The following NRXN1 variants were observed in gnomAD, a reference collection of about 807,000 sequenced individuals.
The protein encoded by NRXN1 is neurexin-1.
Under a neutral mutation model 150.9 loss-of-function variants are expected in NRXN1, and 39 were observed. The observed-to-expected ratio is 0.26, with a 90% confidence interval of 0.20 to 0.34. NRXN1 has a LOEUF of 0.34. NRXN1 is among the 10% of genes least tolerant of loss of function. The pLI is 1.00. For missense variants in NRXN1, 1,815 were observed against 1,949.9 expected, an observed-to-expected ratio of 0.93 and a Z score of 1.30; for synonymous variants, 924 against 757.0, an observed-to-expected ratio of 1.22 and a Z score of -3.62.
chr2:51,002,356 T>C (rs1215714831), intron 2 of NRXN1, among the ~76,000 whole-genome samples: 1 of 152,016 alleles, frequency 6.6e-6, no homozygotes, highest in East Asian at 1.9e-4. Context: ...GTTGTGTTTC[T>C]AGGAAAGTGC....
chr2:50,813,083 A>G (rs1342804356), intron 5 of NRXN1, among the ~76,000 whole-genome samples: 1 of 152,100 alleles, frequency 6.6e-6, no homozygotes, highest in East Asian at 1.9e-4. Context: ...AGTCCCAGCT[A>G]CATGGGAGGC....
At chr2:50,046,849 T>C (rs919814188) in intron 21 of NRXN1, among the ~76,000 whole-genome samples, 2 of 152,196 alleles carry the variant, frequency 1.3e-5, no homozygotes, top group Non-Finnish European at 2.9e-5. Context: ...CTGATCATGT[T>C]AGGTGTCCAG....
intron 18 of NRXN1, among the ~76,000 whole-genome samples, chr2:50,227,740 A>C (rs2064538158): frequency 6.6e-6 from 1 of 152,032 alleles, no homozygotes; most frequent in Non-Finnish European, 1.5e-5. Flanking sequence ...CAGTTCAAGA[A>C]GAGGTCATTA....
intron 2 of NRXN1, among the ~76,000 whole-genome samples, chr2:50,971,944 A>G (rs1015593991): frequency 8.5e-5 from 13 of 152,152 alleles, no homozygotes; most frequent in Non-Finnish European, 1.6e-4. Flanking sequence ...AACTACATGC[A>G]TTTTATTTTC....
At chr2:50,445,308 A>G (rs996801284) in intron 17 of NRXN1, among the ~76,000 whole-genome samples, 2 of 152,212 alleles carry the variant, frequency 1.3e-5, no homozygotes, top group African/African-American at 4.8e-5. Context: ...GCAAAGAAGT[A>G]AAGTTTTTCA....
At chr2:50,943,693 T>C (rs1362779491) in intron 2 of NRXN1, among the ~76,000 whole-genome samples, 2 of 152,206 alleles carry the variant, frequency 1.3e-5, no homozygotes, top group East Asian at 3.8e-4. Flanking sequence ...TGAGGACTTC[T>C]GTGTAGCTCT....
At chr2:50,135,964 T>C (rs1319010389) in intron 18 of NRXN1, among the ~76,000 whole-genome samples, 1 of 152,180 alleles carries the variant, frequency 6.6e-6, no homozygotes. Flanking sequence ...ATGTCAAACA[T>C]ACCAGCAAGG....
At chr2:49,998,923 C>T (rs750709887) in intron 21 of NRXN1, among the ~76,000 whole-genome samples, 1 of 152,144 alleles carries the variant, frequency 6.6e-6, no homozygotes, top group Non-Finnish European at 1.5e-5. Context: ...CTGCTTCCAT[C>T]AACTCCTAGC....
chr2:50,095,925 A>G (rs1348299898), intron 18 of NRXN1, among the ~76,000 whole-genome samples: 1 of 131,908 alleles, frequency 7.6e-6, no homozygotes, highest in Non-Finnish European at 1.6e-5. Flanking sequence ...TCCTAACGCT[A>G]TCCCTCCCCC....
chr2:50,210,325 A>G (rs1342628518), intron 18 of NRXN1, among the ~76,000 whole-genome samples: 1 of 151,938 alleles, frequency 6.6e-6, no homozygotes, highest in African/African-American at 2.4e-5. Context: ...CTTCCTAATT[A>G]GAATAATCCA....
chr2:50,474,839 C>CCCCCCA (rs1558795095), intron 15 of NRXN1, among the ~76,000 whole-genome samples: 2 of 108,850 alleles, frequency 1.8e-5, no homozygotes, highest in African/African-American at 3.6e-5. Context: ...GCCCCCCTAC[C>CCCCCCA]AAAAAAAAAA....
chr2:51,007,397 T>C (rs1158762846), intron 2 of NRXN1, among the ~76,000 whole-genome samples: 1 of 152,052 alleles, frequency 6.6e-6, no homozygotes, highest in South Asian at 2.1e-4. Flanking sequence ...ATTTTGGTGA[T>C]ACAATATAGA....
intron 21 of NRXN1, among the ~76,000 whole-genome samples, chr2:50,045,374 A>T (rs557510888): frequency 1.3e-5 from 2 of 152,200 alleles, no homozygotes; most frequent in African/African-American, 4.8e-5. Context: ...ACAGAGTGTC[A>T]CTCTGTTGCC....
At chr2:50,061,846 T>C (rs940397326) in intron 19 of NRXN1, among the ~76,000 whole-genome samples, 4 of 152,216 alleles carry the variant, frequency 2.6e-5, no homozygotes, top group Admixed American at 6.5e-5. Flanking sequence ...ACAACATACA[T>C]GCCTCTGCCG....
intron 5 of NRXN1, among the ~76,000 whole-genome samples, chr2:50,691,093 A>G (rs554517297): frequency 5.3e-5 from 8 of 152,250 alleles, no homozygotes; most frequent in Non-Finnish European, 1.0e-4. Context: ...GCATGACGTG[A>G]ATCTCAAATG....
Position 50,147,827 on chromosome 2 carries a change from A to C in NRXN1, c.3547-56333T>G, listed in dbSNP as rs564857139. On this transcript the variant is annotated intron_variant, in intron 18 of 22. Coordinates refer to ENST00000401669, the MANE Select transcript of NRXN1 (RefSeq NM_001330078.2). ...CAAAACAGTTATAGCTAGAAATCCC[A>C]TGGTGTCTTTTAAAGTACTGAAAGT... Among the ~76,000 whole-genome samples the C allele has an allele frequency of 2.0e-5, 3 of 151,820 alleles. No individual in the cohort carries two copies. The South Asian group carries it at 6.2e-4, about 31-fold the overall frequency.
intron 8 of NRXN1, among the ~76,000 whole-genome samples, chr2:50,566,936 CT>C (rs769760235): frequency 3.9e-5 from 6 of 152,100 alleles, no homozygotes; most frequent in Non-Finnish European, 8.8e-5. Context: ...TCCCTTTTCT[CT>C]TTTTCGACCA....
At chr2:50,263,157 T>C (rs202109306) in intron 17 of NRXN1, among the ~76,000 whole-genome samples, 46 of 147,336 alleles carry the variant, frequency 3.1e-4, no homozygotes, top group South Asian at 8.7e-4. Flanking sequence ...AAAACACACA[T>C]ACACACACAC....
chr2:50,317,743 C>A (rs2152970511), intron 17 of NRXN1, among the ~76,000 whole-genome samples: 1 of 152,020 alleles, frequency 6.6e-6, no homozygotes, highest in East Asian at 1.9e-4. Flanking sequence ...AAAATATTAA[C>A]AGTGTTTAAT....
Sources: gnomAD v4.1 joint callset for allele counts (sites outside exome capture counted in the v4.1 genomes callset) on GRCh38, gnomAD v4.1.1 for gene constraint, MANE v1.5 for transcripts, NCBI Gene and HGNC (gene_info 2026-07-23, HGNC 2026-07-21) for gene names.